NOX5: variants seen among roughly 807,000 people sequenced by gnomAD.
The protein encoded by NOX5 is NADPH oxidase, EF-hand calcium binding domain 5.
Under a neutral mutation model 85.7 loss-of-function variants are expected in NOX5, and 76 were observed. The observed-to-expected ratio is 0.89, with a 90% CI of 0.74 to 1.07. The LOEUF (loss-of-function observed/expected upper bound fraction) is 1.07. Ranked by LOEUF, NOX5 falls within the 50% of genes least tolerant of loss-of-function variation. The probability of loss-of-function intolerance (pLI) is 0.00; values close to 1 mark genes in which losing one functional copy is unlikely to be tolerated. For missense variants in NOX5, 973 were observed against 999.5 expected, an observed-to-expected ratio of 0.97 and a Z score of 0.36; for synonymous variants, 405 against 401.4, an observed-to-expected ratio of 1.01 and a Z score of -0.11.
intron 8 of NOX5, 73 bp downstream of exon 8, chr15:69,037,283 G>A (rs34924807): frequency 0.5 from 714,069 of 1,431,404 alleles, 190,247 homozygotes; most frequent in Non-Finnish European, 0.56. Context: ...GGAGCAGCTG[G>A]ATACCCTGTC....
chr15:69,023,119 G>A, intron 1 of NOX5: 1 of 400,666 alleles, frequency 2.5e-6, no homozygotes, highest in Non-Finnish European at 4.8e-6. Flanking sequence ...GTCATTAATG[G>A]AGATTCACTG....
intron 14 of NOX5, among the ~76,000 whole-genome samples, chr15:69,050,065 T>A (rs2050727667): frequency 6.6e-6 from 1 of 152,234 alleles, no homozygotes; most frequent in Non-Finnish European, 1.5e-5. Flanking sequence ...GAATTTTACA[T>A]AAATGGAATC....
At chr15:69,039,042 T>C (rs2140267600) in intron 9 of NOX5, 53 bp downstream of exon 9, 1 of 1,596,332 alleles carries the variant, frequency 6.3e-7, no homozygotes. Context: ...GTTCCTACCG[T>C]GGGCCAAGTA....
In NOX5 at chr15:69,059,292, G is replaced by A. The variant is rs1248491089; in HGVS notation, c.*2596G>A. 6.6e-6 allele frequency: 1 copy of A among 152,160 alleles called. No individual in the cohort carries two copies. Among genetic ancestry groups the A allele is most frequent in the Non-Finnish European group, 1.5e-5 (1 of 68,036 alleles). 9.4% of individuals were successfully genotyped at this position (152,160 alleles called of 1,614,324 possible). ...CTGCAGAATCACGGATCTCAAGCGGGTTTGTTTCCCAGGAAGTGAGACTGG... is the reference window on the plus strand; with the variant it reads ...CTGCAGAATCACGGATCTCAAGCGGATTTGTTTCCCAGGAAGTGAGACTGG... On this transcript the variant is annotated 3_prime_UTR_variant, in exon 16 of 16. Coordinates refer to ENST00000388866, the MANE Select transcript of NOX5 (RefSeq NM_024505.4).
chr15:69,031,191 T>C (rs1567096703), intron 3 of NOX5: 2 of 407,918 alleles, frequency 4.9e-6, no homozygotes, highest in East Asian at 8.0e-5. Flanking sequence ...CTAACCCACA[T>C]ACAGTGTGCC....
At chr15:69,016,809 TAC>T (rs985338133) in intron 1 of NOX5, among the ~76,000 whole-genome samples, 1 of 151,826 alleles carries the variant, frequency 6.6e-6, no homozygotes, top group Non-Finnish European at 1.5e-5. Flanking sequence ...TATATATATA[TAC>T]ATACATACAT....
chr15:69,042,079 A>G (rs2050602046), intron 9 of NOX5, among the ~76,000 whole-genome samples: 1 of 151,832 alleles, frequency 6.6e-6, no homozygotes, highest in African/African-American at 2.4e-5. Context: ...AAAAAAAAAA[A>G]AAAAGGAAAA....
chr15:69,047,945 C>T (rs2050696316), intron 13 of NOX5, 34 bp downstream of exon 13: 1 of 1,592,262 alleles, frequency 6.3e-7, no homozygotes, highest in Admixed American at 1.7e-5. Flanking sequence ...GGCCTCCAGA[C>T]CTTCTCCCCT....
chr15:69,049,148 G>A (rs889464388), intron 14 of NOX5, 90 bp downstream of exon 14: 50 of 730,242 alleles, frequency 6.8e-5, no homozygotes, highest in Non-Finnish European at 1.0e-4. Context: ...TGAAACTCAC[G>A]TAACCTAAAA....
intron 1 of NOX5, among the ~76,000 whole-genome samples, chr15:69,021,419 G>A (rs187987034): frequency 3.9e-4 from 59 of 150,566 alleles, no homozygotes; most frequent in African/African-American, 1.3e-3. Flanking sequence ...CTGGGTTCAA[G>A]TGATTCTCCT....
At chr15:69,049,664 T>G in intron 14 of NOX5, among the ~76,000 whole-genome samples, 1 of 152,182 alleles carries the variant, frequency 6.6e-6, no homozygotes, top group East Asian at 1.9e-4. Flanking sequence ...ATGACATATC[T>G]TTTAATTCAG....
At chr15:69,035,983 C>T (rs1479743127) in intron 7 of NOX5, 47 bp downstream of exon 7, 4 of 1,603,874 alleles carry the variant, frequency 2.5e-6, no homozygotes, top group Non-Finnish European at 3.4e-6. Context: ...CAGGGTCCTA[C>T]TTTCATTTCT....
intron 10 of NOX5, among the ~76,000 whole-genome samples, chr15:69,046,465 TCA>T: frequency 6.6e-6 from 1 of 152,300 alleles, no homozygotes; most frequent in African/African-American, 2.4e-5. Flanking sequence ...TGCTCTCCAG[TCA>T]CACCCTGAAA....
chr15:69,028,229 G>A lies in NOX5; in HGVS notation c.189G>A (p.Glu63=). ...ALHVKESFFA[E]RFFALFDSDR... is the part of the protein sequence containing the mutation. ...CTCGCCCACAGTCCTTCTTTGCAGA[G>A]CGATTCTTTGCCCTATTTGACTCCG... The change falls in exon 3 of 16, where the codon GAG becomes GAA. Residue 63 remains glutamate (E), a synonymous_variant. Transcript: ENST00000388866. The A allele has an allele frequency of 6.2e-7, 1 of 1,607,912 alleles. No individual in the cohort carries two copies. The highest frequency in any genetic ancestry group is 8.5e-7 in the Non-Finnish European group (1 of 1,177,138).
chr15:69,020,143 A>G (rs1404656661), intron 1 of NOX5, among the ~76,000 whole-genome samples: 3 of 152,216 alleles, frequency 2.0e-5, no homozygotes, highest in Non-Finnish European at 2.9e-5. Flanking sequence ...CAATTTATCA[A>G]TACCTAATAA....
In NOX5 at chr15:69,033,070, C is replaced by A; in HGVS notation, c.648C>A (p.Ala216=). 1 of 1,556,914 alleles carries A rather than the reference C, an allele frequency of 6.4e-7. No individual in the cohort carries two copies. Among genetic ancestry groups the A allele is most frequent in the South Asian group, 1.2e-5 (1 of 86,016 alleles). ...CTGCCCACTGGCTGACGGCCCCCGC[C>A]CCCCGCCCACGCCCGCGCCGGCCGC... The part of the protein sequence containing the change: ...ISAAHWLTAP[A]PRPRPRRPRQ... Residue 216 remains alanine, a synonymous_variant, in exon 5 of 16, where the codon GCC becomes GCA. Transcript: ENST00000388866.
At chr15:69,033,400 C>A in intron 5 of NOX5, 123 bp downstream of exon 5, 1 of 1,117,264 alleles carries the variant, frequency 9.0e-7, no homozygotes, top group Non-Finnish European at 1.2e-6. Context: ...CCTTAGAAAT[C>A]AGCTGGGCCA....
At chr15:69,029,602 T>G (rs1324620211) in intron 3 of NOX5, 3 of 152,212 alleles carry the variant, frequency 2.0e-5, no homozygotes, top group African/African-American at 4.8e-5. Flanking sequence ...CCACAGTGGC[T>G]GCATTATTTT....
At chr15:69,044,852 G>C (rs1381037249) in intron 10 of NOX5, among the ~76,000 whole-genome samples, 1 of 152,172 alleles carries the variant, frequency 6.6e-6, no homozygotes, top group Admixed American at 6.5e-5. Context: ...TTTCTGTTTT[G>C]AAACAAAGCA....
Sources: gnomAD v4.1 joint callset for allele counts (sites outside exome capture counted in the v4.1 genomes callset) on GRCh38, gnomAD v4.1.1 for gene constraint, MANE v1.5 for transcripts, NCBI Gene and HGNC (gene_info 2026-07-23, HGNC 2026-07-21) for gene names.